Variants in RHOA observed in about 807,000 individuals in gnomAD.
RHOA encodes the protein transforming protein RhoA.
A neutral mutation model predicts 17.5 loss-of-function variants in RHOA; 3 were observed. The ratio of observed to expected loss-of-function variants is 0.17; its 90% CI spans 0.08 to 0.44. The LOEUF (loss-of-function observed/expected upper bound fraction) is 0.44, where lower values mean the gene tolerates loss of function less well. RHOA is among the 20% of genes least tolerant of loss of function. RHOA has a pLI of 0.99. For synonymous variants in RHOA, 98 were observed against 88.4 expected, an observed-to-expected ratio of 1.11 and a Z score of -0.61; for missense variants, 56 against 242.3, an observed-to-expected ratio of 0.23 and a Z score of 5.10.
intron 2 of RHOA, among the ~76,000 whole-genome samples, chr3:49,374,111 G>T (rs1297499028): frequency 1.3e-5 from 2 of 152,056 alleles, no homozygotes; most frequent in Non-Finnish European, 2.9e-5. Context: ...AGCACTTTGG[G>T]AGGCCGAGAC....
intron 3 of RHOA, among the ~76,000 whole-genome samples, chr3:49,366,209 GGA>G (rs912819136): frequency 2.6e-5 from 4 of 152,262 alleles, no homozygotes; most frequent in African/African-American, 9.6e-5. Context: ...GTATCTGATA[GGA>G]GAGTGTCAAC....
intron 1 of RHOA, among the ~76,000 whole-genome samples, chr3:49,408,816 G>A (rs9810596): frequency 0.037 from 5,505 of 149,972 alleles, 344 homozygotes; most frequent in African/African-American, 0.13. Flanking sequence ...TTTTTGAGAC[G>A]GAGTCTCGCT....
At chr3:49,392,484 ATTC>A in intron 1 of RHOA, among the ~76,000 whole-genome samples, 1 of 152,134 alleles carries the variant, frequency 6.6e-6, no homozygotes, top group East Asian at 1.9e-4. Flanking sequence ...ATTTTAAAAT[ATTC>A]TTCCTTTTTA....
chr3:49,378,170 T>TA (rs71627382), intron 1 of RHOA, among the ~76,000 whole-genome samples: 2,184 of 90,438 alleles, frequency 0.024, 90 homozygotes, highest in African/African-American at 0.075. Flanking sequence ...AACTGTGTCT[T>TA]AAAAAAAAAA....
chr3:49,384,324 A>G (rs2048363753), intron 1 of RHOA, among the ~76,000 whole-genome samples: 1 of 152,178 alleles, frequency 6.6e-6, no homozygotes, highest in Non-Finnish European at 1.5e-5. Context: ...AGCATTCTTT[A>G]CAAGTACATG....
In RHOA at chr3:49,360,165, C is replaced by A; in HGVS notation, c.*44G>T. ...ATCATACACTAAGATTAATAAACAG[C>A]ACTTCAAAATTAACCGCATAAGGGC... is the stretch of plus-strand genomic sequence containing the variant. On this transcript the variant is annotated 3_prime_UTR_variant, in exon 5 of 5. Transcript: ENST00000418115. The A allele has an allele frequency of 6.4e-7, 1 of 1,558,792 alleles. No individual in the cohort carries two copies. Among genetic ancestry groups the A allele is most frequent in the South Asian group, 1.2e-5 (1 of 84,176 alleles).
intron 1 of RHOA, among the ~76,000 whole-genome samples, chr3:49,407,999 A>G (rs1016346315): frequency 3.9e-5 from 6 of 152,088 alleles, no homozygotes; most frequent in African/African-American, 1.4e-4. Context: ...GTCTCTACTA[A>G]AAATACAAAA....
intron 1 of RHOA, among the ~76,000 whole-genome samples, chr3:49,389,465 T>C (rs2048459153): frequency 1.3e-5 from 2 of 152,270 alleles, no homozygotes; most frequent in South Asian, 4.2e-4. Flanking sequence ...CCTAGGCCCA[T>C]CTTGGAAGGA....
chr3:49,363,801 G>A (rs997921613), intron 3 of RHOA, among the ~76,000 whole-genome samples: 7 of 151,874 alleles, frequency 4.6e-5, no homozygotes, highest in African/African-American at 9.7e-5. Context: ...GTGATGAGTC[G>A]AGATCGCAAT....
intron 1 of RHOA, among the ~76,000 whole-genome samples, chr3:49,380,966 G>T (rs777392724): frequency 8.0e-5 from 12 of 150,832 alleles, no homozygotes; most frequent in Non-Finnish European, 8.8e-5. Flanking sequence ...AGATATTATA[G>T]AATTTTATCC....
chr3:49,411,021 A>G (rs2048924143), intron 1 of RHOA, among the ~76,000 whole-genome samples: 1 of 152,272 alleles, frequency 6.6e-6, no homozygotes, highest in Non-Finnish European at 1.5e-5. Context: ...CCGTAACTGT[A>G]GATCCAATCA....
chr3:49,411,641 G>C (rs1162616591), intron 1 of RHOA, among the ~76,000 whole-genome samples, 179 bp downstream of exon 1: 1 of 151,656 alleles, frequency 6.6e-6, no homozygotes. Context: ...GGGCGGGGTC[G>C]CCGCTTGGGG....
intron 1 of RHOA, among the ~76,000 whole-genome samples, chr3:49,409,505 G>A (rs2048897027): frequency 6.6e-6 from 1 of 152,110 alleles, no homozygotes; most frequent in East Asian, 1.9e-4. Context: ...AACCCAAGGT[G>A]CTGTCTACAG....
chr3:49,382,499 G>A (rs554477374), intron 1 of RHOA, among the ~76,000 whole-genome samples: 14 of 152,012 alleles, frequency 9.2e-5, no homozygotes, highest in Middle Eastern at 3.4e-3. Flanking sequence ...AGCTGGCTGT[G>A]GTGGTGCGCA....
intron 2 of RHOA, among the ~76,000 whole-genome samples, chr3:49,369,637 A>AG (rs1485669256): frequency 1.3e-5 from 2 of 152,050 alleles, no homozygotes; most frequent in Non-Finnish European, 2.9e-5. Flanking sequence ...GGAGAGGCTA[A>AG]GGCAGGTGAA....
intron 2 of RHOA, among the ~76,000 whole-genome samples, chr3:49,369,516 T>C (rs930445918): frequency 6.6e-6 from 1 of 150,966 alleles, no homozygotes; most frequent in Non-Finnish European, 1.5e-5. Flanking sequence ...GCTGACTGCC[T>C]GAGCTCAGGA....
intron 1 of RHOA, among the ~76,000 whole-genome samples, chr3:49,395,573 C>CGTG (rs1392958287): frequency 6.6e-6 from 1 of 150,848 alleles, no homozygotes; most frequent in Non-Finnish European, 1.5e-5. Flanking sequence ...ATTAGCCAGG[C>CGTG]GTGGTGGTGG....
intron 1 of RHOA, among the ~76,000 whole-genome samples, chr3:49,398,220 G>A (rs868754190): frequency 7.1e-5 from 9 of 126,160 alleles, no homozygotes; most frequent in Admixed American, 3.0e-4. Flanking sequence ...GTGTGGTGGC[G>A]CGCTCCTGTG....
chr3:49,361,725 AC>A (rs1444235353), intron 4 of RHOA, among the ~76,000 whole-genome samples: 1 of 152,032 alleles, frequency 6.6e-6, no homozygotes, highest in Non-Finnish European at 1.5e-5. Context: ...TACTAAAAAT[AC>A]AAAAATTAGC....
Sources: allele counts gnomAD v4.1 joint callset (sites outside exome capture counted in the v4.1 genomes callset), GRCh38; gene constraint gnomAD v4.1.1; transcripts MANE v1.5; gene names NCBI Gene and HGNC (gene_info 2026-07-23, HGNC 2026-07-21).